ELOVL4: variants seen among roughly 807,000 people sequenced by gnomAD.
ELOVL4 encodes the protein ELOVL fatty acid elongase 4.
Under a neutral mutation model 42.1 loss-of-function variants are expected in ELOVL4, and 18 were observed. The observed-to-expected ratio is 0.43, with a 90% confidence interval of 0.30 to 0.63. The LOEUF is 0.63. ELOVL4 is among the 30% of genes least tolerant of loss of function. The probability of loss-of-function intolerance (pLI) is 0.15; values close to 1 mark genes in which losing one functional copy is unlikely to be tolerated. For missense variants in ELOVL4, 299 were observed against 376.2 expected (o/e 0.79, Z 1.70); for synonymous variants, 117 against 127.0 (o/e 0.92, Z 0.53).
Position 79,916,544 on chromosome 6 carries a change from C to T in ELOVL4, c.*64G>A. On this transcript the variant is annotated 3_prime_UTR_variant, in exon 6 of 6. Coordinates refer to ENST00000369816, the MANE Select transcript of ELOVL4 (RefSeq NM_022726.4). ...AAGCTCTCCTTTGCTTCTGTTTTCC[C>T]TGAAATTTTATATGATATGGGAGTT... is the stretch of plus-strand genomic sequence containing the variant. 6.2e-7 allele frequency: 1 copy of T among 1,603,024 alleles called. No individual in the cohort carries two copies. The highest frequency in any genetic ancestry group is 8.5e-7 in the Non-Finnish European group (1 of 1,173,196).
In ELOVL4 at chr6:79,947,430, C is replaced by T. The variant is rs1774771109; in HGVS notation, c.-151G>A. ...CTGCGTCTTCTCCTGCTCCTCAAGG[C>T]GCCGCGGCGGCGGGGATGCGGCAGA... On this transcript the variant is annotated 5_prime_UTR_variant, in exon 1 of 6. Coordinates refer to ENST00000369816, the MANE Select transcript of ELOVL4 (RefSeq NM_022726.4). 6.0e-6 allele frequency: 4 copies of T among 663,796 alleles called. No homozygotes were observed. The highest frequency in any genetic ancestry group is 2.7e-5 in the East Asian group (1 of 36,472). 41.1% of individuals were successfully genotyped at this position (663,796 alleles called of 1,614,324 possible). A position where few individuals can be genotyped will look rare whatever the true frequency, so the allele number is the denominator to read the frequency against.
chr6:79,917,626 C>G (rs1406841885), intron 5 of ELOVL4, among the ~76,000 whole-genome samples: 3 of 152,112 alleles, frequency 2.0e-5, no homozygotes, highest in Non-Finnish European at 4.4e-5. Context: ...TCAAGACCAG[C>G]CTGGCCAACA....
rs952682918 is a variant in ELOVL4, at chr6:79,928,183, T to G, written c.101-1802A>C. On this transcript the variant is annotated intron_variant, in intron 1 of 5. Coordinates refer to ENST00000369816, the MANE Select transcript of ELOVL4 (RefSeq NM_022726.4). ...ATTTAGACAAACTCTCTGTTCTAGG[T>G]CACAGAGAAGGAGTTGCTGTGGTAT... is the stretch of plus-strand genomic sequence containing the variant. Among the ~76,000 whole-genome samples, 2 of 152,142 alleles carry G rather than the reference T, an allele frequency of 1.3e-5. 1 individual carries two copies.
At chr6:79,924,872 TA>T (rs1774317922) in intron 3 of ELOVL4, 79 bp downstream of exon 3, 2 of 893,118 alleles carry the variant, frequency 2.2e-6, no homozygotes, top group Admixed American at 3.7e-5. Context: ...TAAAAAAAAG[TA>T]CATTCTATAT....
rs765569483 is a variant in ELOVL4, at chr6:79,916,604, C to T, written c.*4G>A. ...TGTCAACAACAGTTAAGGCCCAGTTCAATTTAATCTCCTTTTGCTTTTCCA... is the reference window on the plus strand; with the variant it reads ...TGTCAACAACAGTTAAGGCCCAGTTTAATTTAATCTCCTTTTGCTTTTCCA... On this transcript the variant is annotated 3_prime_UTR_variant, in exon 6 of 6. Coordinates refer to ENST00000369816, the MANE Select transcript of ELOVL4 (RefSeq NM_022726.4). The T allele has an allele frequency of 6.2e-7, 1 of 1,613,346 alleles. No homozygotes were observed. The highest frequency in any genetic ancestry group is 8.5e-7 in the Non-Finnish European group (1 of 1,179,948).
rs1471395665 is a variant in ELOVL4 at position 79,919,615 on chromosome 6, A to G, written c.542-68T>C. 4.3e-5 allele frequency: 58 copies of G among 1,351,482 alleles called. 1 individual carries two copies. Among genetic ancestry groups the G allele is most frequent in the Non-Finnish European group, 5.7e-5 (54 of 954,512 alleles). The allele number at this position is 1,351,482 out of a possible 1,614,324, so 83.7% of individuals were successfully genotyped here. A position where few individuals can be genotyped will look rare whatever the true frequency, so the allele number is the denominator to read the frequency against. ...ATTAGGCAGTAAGCCACTGAGATGT[A>G]CAATAAATGAATACACATTATTTTT... On this transcript the variant is annotated intron_variant, in intron 4 of 5. Coordinates refer to ENST00000369816, the MANE Select transcript of ELOVL4 (RefSeq NM_022726.4).
Position 79,914,967 on chromosome 6 carries a change from CA to C in ELOVL4, c.*1640del, listed in dbSNP as rs1211999488. On this transcript the variant is annotated 3_prime_UTR_variant, in exon 6 of 6. Transcript: ENST00000369816. The stretch of plus-strand genomic sequence containing the variant: ...ACAAAGGTGTTGAATCCTCTTAGAT[CA>C]AACTACTTTATATGTTGCAAATTTT... 5.9e-5 allele frequency: 9 copies of C among 152,544 alleles called. No individual in the cohort carries two copies. The highest frequency in any genetic ancestry group is 2.2e-4 in the African/African-American group (9 of 41,450). The allele number at this position is 152,544 out of a possible 1,614,324, so 9.4% of individuals were successfully genotyped here.
At position 79,916,568 on chromosome 6, in the gene ELOVL4, T is replaced by C. The variant is rs185190995; in HGVS notation, c.*40A>G. 1.2e-6 allele frequency: 2 copies of C among 1,611,586 alleles called. No individual in the cohort carries two copies. Among genetic ancestry groups the C allele is most frequent in the South Asian group, 2.2e-5 (2 of 90,760 alleles). On this transcript the variant is annotated 3_prime_UTR_variant, in exon 6 of 6. Transcript: ENST00000369816. Reference sequence around the variant, plus strand: ...CCTGAAATTTTATATGATATGGGAGTTTTTCCTCACTGTCAACAACAGTTA... The same window carrying C: ...CCTGAAATTTTATATGATATGGGAGCTTTTCCTCACTGTCAACAACAGTTA...
intron 1 of ELOVL4, among the ~76,000 whole-genome samples, chr6:79,931,748 T>C (rs1392730609): frequency 6.6e-6 from 1 of 152,166 alleles, no homozygotes; most frequent in African/African-American, 2.4e-5. Context: ...AGAGAACTTA[T>C]GAGAAATCAG....
chr6:79,927,073 T>C (rs1381375330), intron 1 of ELOVL4, among the ~76,000 whole-genome samples: 3 of 152,208 alleles, frequency 2.0e-5, no homozygotes, highest in African/African-American at 4.8e-5. Flanking sequence ...TGTAACTATA[T>C]ATATAAAATG....
intron 3 of ELOVL4, 37 bp downstream of exon 3, chr6:79,924,915 C>A (rs574024584): frequency 1.5e-6 from 2 of 1,337,868 alleles, no homozygotes; most frequent in South Asian, 2.3e-5. Context: ...AAAATCAAAC[C>A]ACTTTTACTG....
At chr6:79,928,512 GTGGT>G (rs1774383538) in intron 1 of ELOVL4, among the ~76,000 whole-genome samples, 1 of 152,074 alleles carries the variant, frequency 6.6e-6, no homozygotes, top group South Asian at 2.1e-4. Flanking sequence ...GATGTACAGT[GTGGT>G]ATGCTGTATC....
chr6:79,935,489 C>T (rs1481217390), intron 1 of ELOVL4, among the ~76,000 whole-genome samples: 1 of 152,130 alleles, frequency 6.6e-6, no homozygotes, highest in Non-Finnish European at 1.5e-5. Context: ...GGAGTAGAGG[C>T]AGCTTGATAC....
chr6:79,932,546 C>T, intron 1 of ELOVL4, among the ~76,000 whole-genome samples: 1 of 141,502 alleles, frequency 7.1e-6, no homozygotes, highest in Non-Finnish European at 1.5e-5. Flanking sequence ...AGAGAGACTC[C>T]TTCTCAAAAA....
Position 79,921,667 on chromosome 6 carries a change from T to G in ELOVL4, c.499A>C (p.Thr167Pro). 6.2e-7 allele frequency: 1 copy of G among 1,613,966 alleles called. No homozygotes were observed. Among genetic ancestry groups the G allele is most frequent in the Non-Finnish European group, 8.5e-7 (1 of 1,179,992 alleles). The change falls in exon 4 of 6, where the codon ACC becomes CCC. Residue 167 changes from threonine (T) to proline (P), a missense_variant. Physicochemically the swap from Thr to Pro is conservative, Grantham distance 38. Coordinates refer to ENST00000369816, the MANE Select transcript of ELOVL4 (RefSeq NM_022726.4). ...CACTTAATTCCAATCCACCACAAGG[T>G]AAACATCGTACAGTGATGATACACA... is the stretch of plus-strand genomic sequence containing the variant. ...LHVYHHCTMF[T>P]LWWIGIKWVA...
chr6:79,928,030 C>G (rs1168554343), intron 1 of ELOVL4, among the ~76,000 whole-genome samples: 1 of 152,044 alleles, frequency 6.6e-6, no homozygotes, highest in East Asian at 1.9e-4. Flanking sequence ...CATTATCATT[C>G]TATGACCATA....
intron 1 of ELOVL4, among the ~76,000 whole-genome samples, chr6:79,942,951 C>T (rs889839862): frequency 6.6e-6 from 1 of 151,446 alleles, no homozygotes; most frequent in South Asian, 2.1e-4. Context: ...ATAATTAGGA[C>T]GTCACTGAAA....
At chr6:79,919,897 G>A (rs964120303) in intron 4 of ELOVL4, among the ~76,000 whole-genome samples, 1 of 152,024 alleles carries the variant, frequency 6.6e-6, no homozygotes, top group Non-Finnish European at 1.5e-5. Flanking sequence ...CTTTAGATGT[G>A]CCAATATATA....
chr6:79,933,569 G>A (rs575027622), intron 1 of ELOVL4, among the ~76,000 whole-genome samples: 6 of 152,248 alleles, frequency 3.9e-5, no homozygotes, highest in East Asian at 1.9e-4. Flanking sequence ...AGGCAGTGGG[G>A]TGTGGACTGA....
Sources: allele counts gnomAD v4.1 joint callset (sites outside exome capture counted in the v4.1 genomes callset), GRCh38; gene constraint gnomAD v4.1.1; transcripts MANE v1.5; gene names NCBI Gene and HGNC (gene_info 2026-07-23, HGNC 2026-07-21).